The following VKORC1L1 variants were observed in gnomAD, a reference collection of about 807,000 sequenced individuals.
VKORC1L1 encodes the protein vitamin K epoxide reductase complex subunit 1-like protein 1.
Under a neutral mutation model 18.9 loss-of-function variants are expected in VKORC1L1, and 2 were observed. The ratio of observed to expected loss-of-function variants is 0.11; its 90% confidence interval spans 0.04 to 0.33. The LOEUF (loss-of-function observed/expected upper bound fraction) is 0.33. VKORC1L1 is among the 10% of genes least tolerant of loss of function. The pLI is 1.00. For synonymous variants in VKORC1L1, 96 were observed against 100.0 expected (o/e 0.96, Z 0.24); for missense variants, 123 against 224.1 (o/e 0.55, Z 2.88).
At chr7:65,929,702 A>ATG (rs386410305) in intron 1 of VKORC1L1, among the ~76,000 whole-genome samples, 4 of 145,362 alleles carry the variant, frequency 2.8e-5, no homozygotes, top group Non-Finnish European at 6.0e-5. Flanking sequence ...ATATATATAT[A>ATG]TGGTTTTTTT....
chr7:65,899,738 G>A (rs1160573107), intron 1 of VKORC1L1, among the ~76,000 whole-genome samples: 2 of 152,138 alleles, frequency 1.3e-5, no homozygotes, highest in African/African-American at 4.8e-5. Flanking sequence ...GGTGGCTCAC[G>A]CCTGTAATCC....
At chr7:65,891,628 A>T (rs966303904) in intron 1 of VKORC1L1, among the ~76,000 whole-genome samples, 2 of 152,006 alleles carry the variant, frequency 1.3e-5, no homozygotes, top group Non-Finnish European at 2.9e-5. Context: ...ATTCTCTTAA[A>T]GGTGTCTCTT....
In VKORC1L1 at chr7:65,954,285, A is replaced by G; in HGVS notation, c.516A>G (p.Gln172=). The part of the protein sequence containing the change: ...YLNEAWKRQL[Q]PKQD Reference sequence around the variant, plus strand: ...ACGAGGCCTGGAAGCGGCAGCTGCAACCCAAGCAGGACTGACGCCCGACAG... The same window carrying G: ...ACGAGGCCTGGAAGCGGCAGCTGCAGCCCAAGCAGGACTGACGCCCGACAG... Residue 172 remains glutamine, a synonymous_variant, in exon 3 of 3, where the codon CAA becomes CAG. Transcript: ENST00000360768. The G allele has an allele frequency of 3.1e-6, 5 of 1,614,102 alleles. No homozygotes were observed. Among genetic ancestry groups the G allele is most frequent in the Non-Finnish European group, 4.2e-6 (5 of 1,180,024 alleles).
intron 1 of VKORC1L1, among the ~76,000 whole-genome samples, chr7:65,914,062 G>A (rs550259322): frequency 6.6e-6 from 1 of 152,152 alleles, no homozygotes; most frequent in South Asian, 2.1e-4. Context: ...AATGTGTCTT[G>A]AATTTGGTAC....
chr7:65,906,366 G>A (rs992533743), intron 1 of VKORC1L1, among the ~76,000 whole-genome samples: 4 of 151,424 alleles, frequency 2.6e-5, no homozygotes, highest in African/African-American at 9.7e-5. Context: ...GCAAGACATT[G>A]TCTCAAAAAG....
chr7:65,954,568 A>G lies in VKORC1L1; in HGVS notation c.*268A>G. The G allele has an allele frequency of 1.8e-6, 1 of 558,240 alleles. No individual in the cohort carries two copies. The highest frequency in any genetic ancestry group is 2.9e-6 in the Non-Finnish European group (1 of 345,508). 34.6% of individuals were successfully genotyped at this position (558,240 alleles called of 1,614,324 possible). A position where few individuals can be genotyped will look rare whatever the true frequency, so the allele number is the denominator to read the frequency against. ...ACTTTGAAGTGTTTCTGAAATGATA[A>G]AATGTAGCCCTAGCCCCCTGCCCTC... is the stretch of plus-strand genomic sequence containing the variant. On this transcript the variant is annotated 3_prime_UTR_variant, in exon 3 of 3. Coordinates refer to ENST00000360768, the MANE Select transcript of VKORC1L1 (RefSeq NM_173517.6).
intron 1 of VKORC1L1, among the ~76,000 whole-genome samples, chr7:65,889,477 A>T (rs1459877178): frequency 6.6e-6 from 1 of 152,148 alleles, no homozygotes; most frequent in Non-Finnish European, 1.5e-5. Context: ...CCCCCACCAA[A>T]TTCAATCAAT....
At chr7:65,894,411 A>G (rs1583830158) in intron 1 of VKORC1L1, among the ~76,000 whole-genome samples, 1 of 152,260 alleles carries the variant, frequency 6.6e-6, no homozygotes, top group Non-Finnish European at 1.5e-5. Context: ...AGGTTTGCAC[A>G]TTTTCCAAAC....
intron 1 of VKORC1L1, among the ~76,000 whole-genome samples, chr7:65,882,335 C>T (rs1404217975): frequency 4.7e-5 from 7 of 150,108 alleles, no homozygotes; most frequent in Non-Finnish European, 7.4e-5. Context: ...GCCAAGATCA[C>T]GCCATTGCAC....
chr7:65,927,669 A>G (rs1433604290), intron 1 of VKORC1L1, among the ~76,000 whole-genome samples: 2 of 152,150 alleles, frequency 1.3e-5, no homozygotes, highest in South Asian at 2.1e-4. Flanking sequence ...CAGGTTTACA[A>G]TCTTCCCAGA....
At chr7:65,941,231 A>T (rs7809991) in intron 1 of VKORC1L1, among the ~76,000 whole-genome samples, 3 of 151,998 alleles carry the variant, frequency 2.0e-5, no homozygotes, top group African/African-American at 7.2e-5. Flanking sequence ...TCAGCCTTCC[A>T]AGTAGCTGGG....
intron 2 of VKORC1L1, among the ~76,000 whole-genome samples, chr7:65,953,710 C>CA (rs1424350487): frequency 1.3e-5 from 2 of 152,070 alleles, no homozygotes; most frequent in African/African-American, 2.4e-5. Context: ...GCCTGGCCAA[C>CA]AAAAAATCAG....
At chr7:65,867,110 C>T in the VKORC1L1 span, among the ~76,000 whole-genome samples, 2 of 152,024 alleles carry the variant, frequency 1.3e-5, no homozygotes, top group Non-Finnish European at 2.9e-5. Context: ...TCACTTGAAC[C>T]CAGGAAGCAG....
chr7:65,937,596 A>C (rs896195566), intron 1 of VKORC1L1, among the ~76,000 whole-genome samples: 4 of 152,010 alleles, frequency 2.6e-5, no homozygotes, highest in African/African-American at 9.7e-5. Flanking sequence ...TTGTTTCGGT[A>C]GAGTCAGGGT....
Position 65,954,407 on chromosome 7 carries a change from T to C in VKORC1L1, c.*107T>C. The C allele has an allele frequency of 7.1e-7, 1 of 1,410,698 alleles. No individual in the cohort carries two copies. Among genetic ancestry groups the C allele is most frequent in the Non-Finnish European group, 9.3e-7 (1 of 1,080,940 alleles). 87.4% of individuals were successfully genotyped at this position (1,410,698 alleles called of 1,614,324 possible). On this transcript the variant is annotated 3_prime_UTR_variant, in exon 3 of 3. Transcript: ENST00000360768. ...TTATTATTATTCACAACAGACACTT[T>C]CCCTAAGAATCTCAAACTGATTTTT...
chr7:65,871,840 C>T (rs1232305445), upstream of VKORC1L1, among the ~76,000 whole-genome samples: 2 of 151,894 alleles, frequency 1.3e-5, no homozygotes, highest in Non-Finnish European at 2.9e-5. Context: ...CACAGCTAAC[C>T]TCACCCAGAT....
In VKORC1L1 at chr7:65,959,546, C is replaced by T. The variant is rs1026699375; in HGVS notation, c.*5246C>T. Reference sequence around the variant, plus strand: ...AAAAATGGACGATGCCTAATAAAACCACATGAAATTAACTTTATTCTTTCT... The same window carrying T: ...AAAAATGGACGATGCCTAATAAAACTACATGAAATTAACTTTATTCTTTCT... On this transcript the variant is annotated 3_prime_UTR_variant, in exon 3 of 3. Coordinates refer to ENST00000360768, the MANE Select transcript of VKORC1L1 (RefSeq NM_173517.6). 2 of 152,172 alleles carry T rather than the reference C, an allele frequency of 1.3e-5. No individual in the cohort carries two copies. Among genetic ancestry groups the T allele is most frequent in the South Asian group, 4.1e-4 (2 of 4,836 alleles). 9.4% of individuals were successfully genotyped at this position (152,172 alleles called of 1,614,324 possible). A position where few individuals can be genotyped will look rare whatever the true frequency, so the allele number is the denominator to read the frequency against.
intron 1 of VKORC1L1, among the ~76,000 whole-genome samples, chr7:65,925,154 G>T (rs568478190): frequency 1.1e-4 from 16 of 152,174 alleles, no homozygotes; most frequent in Non-Finnish European, 1.8e-4. Flanking sequence ...TTATTGGATG[G>T]AGTTATCTGT....
intron 1 of VKORC1L1, among the ~76,000 whole-genome samples, chr7:65,875,936 C>T (rs1318765593): frequency 6.6e-6 from 1 of 152,184 alleles, no homozygotes; most frequent in African/African-American, 2.4e-5. Flanking sequence ...ACTTTATTCT[C>T]ATTTCGCAAG....
Sources: gnomAD v4.1 joint callset for allele counts (sites outside exome capture counted in the v4.1 genomes callset) on GRCh38, gnomAD v4.1.1 for gene constraint, MANE v1.5 for transcripts, NCBI Gene and HGNC (gene_info 2026-07-23, HGNC 2026-07-21) for gene names.